FOXO3B: variants seen among roughly 807,000 people sequenced by gnomAD.
The protein encoded by FOXO3B is forkhead box protein O3B.
A neutral mutation model predicts 21.9 loss-of-function variants in FOXO3B; 15 were observed. The observed-to-expected ratio is 0.68, with a 90% confidence interval of 0.46 to 1.05. The LOEUF (loss-of-function observed/expected upper bound fraction) is 1.05, where lower values mean the gene tolerates loss of function less well. Ranked by LOEUF, FOXO3B falls within the 50% of genes least tolerant of loss-of-function variation. The pLI, the probability that FOXO3B is intolerant of heterozygous loss-of-function variation, is 0.00. For missense variants in FOXO3B, 293 were observed against 435.5 expected (o/e 0.67, Z 2.91); for synonymous variants, 135 against 213.6 (o/e 0.63, Z 3.21).
intron 3 of FOXO3B, among the ~76,000 whole-genome samples, chr17:18,673,608 T>C (rs2649414): frequency 1.3e-4 from 19 of 151,946 alleles, no homozygotes; most frequent in Admixed American, 5.2e-4. Flanking sequence ...AGAAGAGTAG[T>C]TGTGAAATGA....
chr17:18,679,678 C>T (rs2032550918), intron 3 of FOXO3B, among the ~76,000 whole-genome samples: 1 of 151,944 alleles, frequency 6.6e-6, no homozygotes, highest in Non-Finnish European at 1.5e-5. Context: ...GAACTCCTGA[C>T]CTCAGGTGAT....
At chr17:18,678,183 T>C (rs2032527667) in intron 3 of FOXO3B, among the ~76,000 whole-genome samples, 1 of 152,116 alleles carries the variant, frequency 6.6e-6, no homozygotes. Context: ...GGAAACAGAA[T>C]TATAAAAATC....
In FOXO3B at chr17:18,670,582, AG is replaced by A. The variant is rs2032344034; in HGVS notation, c.*1726del. 6.6e-6 allele frequency among the ~76,000 whole-genome samples: 1 copy of A among 152,236 alleles called. No homozygotes were observed. Among genetic ancestry groups the A allele is most frequent in the Non-Finnish European group, 1.5e-5 (1 of 68,046 alleles). Reference sequence around the variant, plus strand: ...TTAAAACACCACAGAATGGCCGAAGAGGGCTCACGGTGTGCTCTGAACGAGG... The same window carrying A: ...TTAAAACACCACAGAATGGCCGAAGAGGCTCACGGTGTGCTCTGAACGAGG... On this transcript the variant is annotated 3_prime_UTR_variant, in exon 4 of 4. Coordinates refer to ENST00000395675, the MANE Select transcript of FOXO3B (RefSeq NM_001368135.1).
Position 18,669,527 on chromosome 17 carries a change from C to T in FOXO3B, c.*2782G>A, listed in dbSNP as rs186588791. 3.9e-3 allele frequency: 589 copies of T among 152,636 alleles called. 2 individuals carry two copies. The highest frequency in any genetic ancestry group is 0.012 in the Admixed American group (185 of 15,296). 9.5% of individuals were successfully genotyped at this position (152,636 alleles called of 1,614,324 possible). A position where few individuals can be genotyped will look rare whatever the true frequency, so the allele number is the denominator to read the frequency against. ...TGTACCAAAGGTGGTCCCAACTATT[C>T]CGTCTACCAAAGAAGGTAACGAATA... is the stretch of plus-strand genomic sequence containing the variant. On this transcript the variant is annotated 3_prime_UTR_variant, in exon 4 of 4. Coordinates refer to ENST00000395675, the MANE Select transcript of FOXO3B (RefSeq NM_001368135.1).
In FOXO3B at chr17:18,671,231, A is replaced by G. The variant is rs2032357555; in HGVS notation, c.*1078T>C. ...ACTGCTGCTGGTGTTTGGCTGACCC[A>G]AGGCTGCTGGACTCACTCAAGCCCA... On this transcript the variant is annotated 3_prime_UTR_variant, in exon 4 of 4. Coordinates refer to ENST00000395675, the MANE Select transcript of FOXO3B (RefSeq NM_001368135.1). 2 of 1,145,718 alleles carry G rather than the reference A, an allele frequency of 1.7e-6. No individual in the cohort carries two copies. Among genetic ancestry groups the G allele is most frequent in the Non-Finnish European group, 2.6e-6 (2 of 758,902 alleles). 71.0% of individuals were successfully genotyped at this position (1,145,718 alleles called of 1,614,324 possible).
intron 3 of FOXO3B, among the ~76,000 whole-genome samples, chr17:18,673,792 T>C (rs967026927): frequency 2.0e-5 from 3 of 151,616 alleles, no homozygotes; most frequent in Non-Finnish European, 4.4e-5. Context: ...ATGAAGTATA[T>C]GAGGGCAAAG....
rs1006006673 is a variant in FOXO3B, at chr17:18,673,343, C to T, written c.127-288G>A. Among the ~76,000 whole-genome samples the T allele has an allele frequency of 5.9e-5, 9 of 152,286 alleles. 1 individual carries two copies. The highest frequency in any genetic ancestry group is 6.8e-3 in the Middle Eastern group (2 of 294). ...CTCAGGCTGGTCTCTAACTCCTGGG[C>T]TCAATCGACCCACCCACCTTGGCCT... On this transcript the variant is annotated intron_variant, in intron 3 of 3. Coordinates refer to ENST00000395675, the MANE Select transcript of FOXO3B (RefSeq NM_001368135.1).
In FOXO3B at chr17:18,671,944, A is replaced by T. The variant is rs1202243981; in HGVS notation, c.*365T>A. The T allele has an allele frequency of 4.6e-5, 75 of 1,613,504 alleles. No individual in the cohort carries two copies. The highest frequency in any genetic ancestry group is 1.8e-4 in the Admixed American group (11 of 59,968). On this transcript the variant is annotated 3_prime_UTR_variant, in exon 4 of 4. Transcript: ENST00000395675. ...GACTTCATCCAACTCTGTGCTTGCC[A>T]TGATGGGCGACAGGCGGCCACTGAC...
At chr17:18,681,116 C>T (rs1210572910) in intron 2 of FOXO3B, among the ~76,000 whole-genome samples, 4 of 151,800 alleles carry the variant, frequency 2.6e-5, no homozygotes, top group Admixed American at 6.6e-5. Context: ...AATCTATACT[C>T]GTTGGTTCTC....
chr17:18,676,398 G>A lies in FOXO3B; in HGVS notation c.127-3343C>T, dbSNP rs1484585523. On this transcript the variant is annotated intron_variant, in intron 3 of 3. Coordinates refer to ENST00000395675, the MANE Select transcript of FOXO3B (RefSeq NM_001368135.1). The stretch of plus-strand genomic sequence containing the variant: ...ATGATCACTGCAACTGCTACTAATG[G>A]CAAAAAAATAAACTGTTCAGTTTAT... Among the ~76,000 whole-genome samples, 8 of 152,068 alleles carry A rather than the reference G, an allele frequency of 5.3e-5. No individual in the cohort carries two copies. The East Asian group carries it at 1.4e-3, about 26-fold the overall frequency.
chr17:18,677,716 C>T lies in FOXO3B; in HGVS notation c.126+3025G>A. 4 of 1,596,946 alleles carry T rather than the reference C, an allele frequency of 2.5e-6. No individual in the cohort carries two copies. The South Asian group carries it at 4.4e-5, about 18-fold the overall frequency. ...GGCGAGCGCGATAAGAAGCTGGCGG[C>T]CAAGAAAAAGACGGACAAGAAGCGG... On this transcript the variant is annotated intron_variant, in intron 3 of 3. Coordinates refer to ENST00000395675, the MANE Select transcript of FOXO3B (RefSeq NM_001368135.1).
At chr17:18,673,158 G>A (rs759415020) in intron 3 of FOXO3B, 103 bp from the exon 4 acceptor site, 142 of 1,316,376 alleles carry the variant, frequency 1.1e-4, no homozygotes, top group Non-Finnish European at 1.2e-4. Flanking sequence ...CAGTCTTGCC[G>A]CGCCCGCCTC....
intron 3 of FOXO3B, among the ~76,000 whole-genome samples, chr17:18,678,335 G>A (rs1349437431): frequency 6.6e-6 from 1 of 152,114 alleles, no homozygotes; most frequent in African/African-American, 2.4e-5. Context: ...GGGTACTGGT[G>A]GGTAGATGGA....
Position 18,680,748 on chromosome 17 carries a change from C to T in FOXO3B, c.119G>A (p.Arg40Lys). 6.2e-7 allele frequency: 1 copy of T among 1,614,006 alleles called. No homozygotes were observed. The highest frequency in any genetic ancestry group is 8.5e-7 in the Non-Finnish European group (1 of 1,179,960). The part of the protein sequence containing the change: ...GEVAALRLTA[R>K]SQAAAAAAAP... ...ATCAGCAGACTCACTCACCTGGGAT[C>T]TGGCCGTGAGGCGCAGAGCAGCCAC... The change falls in exon 3 of 4, where the codon AGA (arginine) becomes AAA (lysine). Residue 40 changes from arginine to lysine, a missense_variant. By Grantham distance (26) the Arg-to-Lys change is conservative. Coordinates refer to ENST00000395675, the MANE Select transcript of FOXO3B (RefSeq NM_001368135.1).
rs558979868 is a variant in FOXO3B, at chr17:18,669,666, T to C, written c.*2643A>G. ...AAAAAAAGTTAAAACTGCCCTATTT[T>C]GTACTTCCATTGAGTCGCTTGTACA... On this transcript the variant is annotated 3_prime_UTR_variant, in exon 4 of 4. Transcript: ENST00000395675. 3.9e-5 allele frequency among the ~76,000 whole-genome samples: 6 copies of C among 152,366 alleles called. No homozygotes were observed. The East Asian group carries it at 9.6e-4, about 24-fold the overall frequency.
rs762847557 is a variant in FOXO3B at position 18,680,753 on chromosome 17, C to T, written c.114G>A (p.Thr38=). The part of the protein sequence containing the change: ...EEGEVAALRL[T]ARSQAAAAAA... ...CAGACTCACTCACCTGGGATCTGGCCGTGAGGCGCAGAGCAGCCACTTCTC... is the reference window on the plus strand; with the variant it reads ...CAGACTCACTCACCTGGGATCTGGCTGTGAGGCGCAGAGCAGCCACTTCTC... The change falls in exon 3 of 4, where the codon ACG becomes ACA. Residue 38 remains threonine, a synonymous_variant. Coordinates refer to ENST00000395675, the MANE Select transcript of FOXO3B (RefSeq NM_001368135.1). 15 of 1,613,786 alleles carry T rather than the reference C, an allele frequency of 9.3e-6. No individual in the cohort carries two copies. The highest frequency in any genetic ancestry group is 2.7e-5 in the African/African-American group (2 of 74,830).
Position 18,674,491 on chromosome 17 carries a change from T to C in FOXO3B, c.127-1436A>G, listed in dbSNP as rs1597495867. Reference sequence around the variant, plus strand: ...ATACAAAAAAATTAGCCGGGTGTGGTGGCGGGCACCTGTAGTCCCAGCTAC... The same window carrying C: ...ATACAAAAAAATTAGCCGGGTGTGGCGGCGGGCACCTGTAGTCCCAGCTAC... On this transcript the variant is annotated intron_variant, in intron 3 of 3. Transcript: ENST00000395675. Among the ~76,000 whole-genome samples the C allele has an allele frequency of 2.0e-5, 3 of 150,242 alleles. No individual in the cohort carries two copies. In the South Asian group the frequency reaches 6.3e-4, roughly 32 times the overall value.
rs1328528519 is a variant in FOXO3B, at chr17:18,677,564, C to T, written c.126+3177G>A. The T allele has an allele frequency of 7.5e-6, 12 of 1,603,260 alleles. No homozygotes were observed. In the African/African-American group the frequency reaches 9.4e-5, roughly 13 times the overall value. ...TGCTCACAGAGATCCACGGGGGCGCCGGCGGGCCCAGCGGCAGGGCCAAAG... is the reference window on the plus strand; with the variant it reads ...TGCTCACAGAGATCCACGGGGGCGCTGGCGGGCCCAGCGGCAGGGCCAAAG... On this transcript the variant is annotated intron_variant, in intron 3 of 3. Coordinates refer to ENST00000395675, the MANE Select transcript of FOXO3B (RefSeq NM_001368135.1).
chr17:18,677,689 C>T, intron 3 of FOXO3B: 2 of 1,603,504 alleles, frequency 1.2e-6, no homozygotes, highest in Non-Finnish European at 1.7e-6. Flanking sequence ...AAGAAGCATG[C>T]TGGCGAGCGC....
Sources: allele counts gnomAD v4.1 joint callset (sites outside exome capture counted in the v4.1 genomes callset), GRCh38; gene constraint gnomAD v4.1.1; transcripts MANE v1.5; gene names NCBI Gene and HGNC (gene_info 2026-07-23, HGNC 2026-07-21).